Variants in PFDN6 observed in about 807,000 individuals in gnomAD.
PFDN6 encodes the protein prefoldin subunit 6.
A neutral mutation model predicts 19.3 loss-of-function variants in PFDN6; 5 were observed. The ratio of observed to expected loss-of-function variants is 0.26; its 90% CI spans 0.14 to 0.55. The LOEUF is 0.55. PFDN6 is among the 20% of genes least tolerant of loss of function. PFDN6 has a pLI of 0.94. For synonymous variants in PFDN6, 51 were observed against 63.4 expected (o/e 0.80, Z 0.93); for missense variants, 101 against 149.4 (o/e 0.68, Z 1.69).
chr6:33,289,514 C>T, upstream of PFDN6: 1 of 1,111,774 alleles, frequency 9.0e-7, no homozygotes. Context: ...ACTCCCTAAA[C>T]ATGTCAGAAC....
chr6:33,290,372 G>A lies in PFDN6; in HGVS notation c.182G>A (p.Gly61Asp). Reference protein sequence around the residue: ...DGSNVVFKLLGPVLVKQELGE... With the variant: ...DGSNVVFKLLDPVLVKQELGE... ...TCCAACGTGGTCTTTAAACTTCTGG[G>A]TCCGGTGCTAGTCAAACAGGAGCTG... The change falls in exon 3 of 4, where the codon GGT becomes GAT. Residue 61 changes from glycine to aspartate, a missense_variant. Physicochemically the swap from Gly to Asp is moderately conservative, Grantham distance 94 (BLOSUM62 -1). Transcript: ENST00000374606. 6.2e-7 allele frequency: 1 copy of A among 1,609,042 alleles called. No homozygotes were observed. Among genetic ancestry groups the A allele is most frequent in the Non-Finnish European group, 8.5e-7 (1 of 1,177,004 alleles).
Position 33,290,808 on chromosome 6 carries a change from C to T in PFDN6, c.353C>T (p.Ala118Val). ...LAQLQQEFQR[A>V]QAAKAGAPGK... ...CAGCTGCAGCAGGAGTTCCAGCGGGCCCAGGCAGCAAAGGCAGGGGCTCCT... is the reference window on the plus strand; with the variant it reads ...CAGCTGCAGCAGGAGTTCCAGCGGGTCCAGGCAGCAAAGGCAGGGGCTCCT... Residue 118 changes from alanine to valine, a missense_variant, in exon 4 of 4, where the codon GCC (alanine) becomes GTC (valine). Ala to Val is a moderately conservative substitution (Grantham distance 64). Transcript: ENST00000374606. 6.2e-7 allele frequency: 1 copy of T among 1,604,492 alleles called. No homozygotes were observed.
Position 33,289,918 on chromosome 6 carries a change from A to G in PFDN6, c.62A>G (p.Lys21Arg), listed in dbSNP as rs762096321. Residue 21 changes from lysine to arginine, a missense_variant and splice_region_variant, in exon 1 of 4, where the codon AAG (lysine) becomes AGG (arginine). Coordinates refer to ENST00000374606, the MANE Select transcript of PFDN6 (RefSeq NM_001185181.3). ...GEVEKYQQLQKDLSKSMSGRQ... is the reference protein window; with the variant it reads ...GEVEKYQQLQRDLSKSMSGRQ... Reference sequence around the variant, plus strand: ...GTGGAGAAATATCAACAGCTACAGAAGGGTAAGGGAACAGGGTCGGTATGG... The same window carrying G: ...GTGGAGAAATATCAACAGCTACAGAGGGGTAAGGGAACAGGGTCGGTATGG... 2 of 1,607,282 alleles carry G rather than the reference A, an allele frequency of 1.2e-6. No homozygotes were observed. The highest frequency in any genetic ancestry group is 2.2e-5 in the South Asian group (2 of 90,162).
In PFDN6 at chr6:33,290,148, T is replaced by C. The variant is rs371606332; in HGVS notation, c.65-26T>C. On this transcript the variant is annotated intron_variant, in intron 1 of 3. Coordinates refer to ENST00000374606, the MANE Select transcript of PFDN6 (RefSeq NM_001185181.3). ...GGATAGGTGGCACATTTGATGTTTCTAAATTGCCTTTCCTCTCATCCCCAG... is the reference window on the plus strand; with the variant it reads ...GGATAGGTGGCACATTTGATGTTTCCAAATTGCCTTTCCTCTCATCCCCAG... 5.8e-5 allele frequency: 94 copies of C among 1,612,786 alleles called. 1 individual carries two copies. In the South Asian group the frequency reaches 9.6e-4, roughly 16 times the overall value.
At chr6:33,290,655 CT>C in intron 3 of PFDN6, 60 bp from the exon 4 acceptor site, 7 of 1,583,438 alleles carry the variant, frequency 4.4e-6, no homozygotes, top group Non-Finnish European at 6.0e-6. Flanking sequence ...GCGTTTAGCA[CT>C]CTCCATAGTG....
In PFDN6 at chr6:33,290,868, G is replaced by A. The variant is rs751620474; in HGVS notation, c.*23G>A. Reference sequence around the variant, plus strand: ...TGACCCCATGGTGGGGGGAGGGGAGGGGAGGGGAGGGAATGAGGCAGCTCT... The same window carrying A: ...TGACCCCATGGTGGGGGGAGGGGAGAGGAGGGGAGGGAATGAGGCAGCTCT... On this transcript the variant is annotated 3_prime_UTR_variant, in exon 4 of 4. Coordinates refer to ENST00000374606, the MANE Select transcript of PFDN6 (RefSeq NM_001185181.3). The A allele has an allele frequency of 1.5e-5, 24 of 1,577,480 alleles. No individual in the cohort carries two copies. Among genetic ancestry groups the A allele is most frequent in the Non-Finnish European group, 2.1e-5 (24 of 1,166,902 alleles).
Position 33,289,774 on chromosome 6 carries a change from G to T in PFDN6, c.-83G>T, listed in dbSNP as rs1373145437. ...AGAGTGCTATCATTTCCGCAGGCCAGATCAGAAAAGGGAGCTCAGGTACCT... is the reference window on the plus strand; with the variant it reads ...AGAGTGCTATCATTTCCGCAGGCCATATCAGAAAAGGGAGCTCAGGTACCT... On this transcript the variant is annotated 5_prime_UTR_variant, in exon 1 of 4. Coordinates refer to ENST00000374606, the MANE Select transcript of PFDN6 (RefSeq NM_001185181.3). 1 of 1,162,656 alleles carries T rather than the reference G, an allele frequency of 8.6e-7. No individual in the cohort carries two copies. Among genetic ancestry groups the T allele is most frequent in the Non-Finnish European group, 1.2e-6 (1 of 819,162 alleles). The allele number at this position is 1,162,656 out of a possible 1,614,324, so 72.0% of individuals were successfully genotyped here.
At chr6:33,289,327 TAGAG>T, upstream of PFDN6, 7 of 1,402,420 alleles carry the variant, frequency 5.0e-6, no homozygotes, top group Non-Finnish European at 6.5e-6. Flanking sequence ...ACGCTCTCCT[TAGAG>T]GGGCGGAACA....
Position 33,289,799 on chromosome 6 carries a change from T to C in PFDN6, c.-58T>C, listed in dbSNP as rs749486904. On this transcript the variant is annotated 5_prime_UTR_variant, in exon 1 of 4. Coordinates refer to ENST00000374606, the MANE Select transcript of PFDN6 (RefSeq NM_001185181.3). ...GATCAGAAAAGGGAGCTCAGGTACC[T>C]TCCAGAGAGTGAGACCCAGCGCCCT... 2.0e-4 allele frequency: 282 copies of C among 1,398,302 alleles called. 1 individual carries two copies. Among genetic ancestry groups the C allele is most frequent in the Non-Finnish European group, 2.7e-4 (277 of 1,019,928 alleles). 86.6% of individuals were successfully genotyped at this position (1,398,302 alleles called of 1,614,324 possible).
At chr6:33,290,096 T>C in intron 1 of PFDN6, 78 bp from the exon 2 acceptor site, 1 of 1,485,728 alleles carries the variant, frequency 6.7e-7, no homozygotes, top group South Asian at 1.1e-5. Flanking sequence ...CTTCCTCAGA[T>C]CCATATCCAC....
chr6:33,290,549 C>T lies in PFDN6; in HGVS notation c.260+99C>T, dbSNP rs1373234359. ...ATTGCAGAACAGCTCTCCATAGTGGCCCCTAGTCCTCCAGTTCCTCCAACC... is the reference window on the plus strand; with the variant it reads ...ATTGCAGAACAGCTCTCCATAGTGGTCCCTAGTCCTCCAGTTCCTCCAACC... On this transcript the variant is annotated intron_variant, in intron 3 of 3. Transcript: ENST00000374606. The T allele has an allele frequency of 3.4e-6, 5 of 1,482,584 alleles. No individual in the cohort carries two copies. In the East Asian group the frequency reaches 6.9e-5, roughly 20 times the overall value. The allele number at this position is 1,482,584 out of a possible 1,614,324, so 91.8% of individuals were successfully genotyped here. A position where few individuals can be genotyped will look rare whatever the true frequency, so the allele number is the denominator to read the frequency against.
chr6:33,289,976 T>G, intron 1 of PFDN6, 56 bp downstream of exon 1: 1 of 1,502,416 alleles, frequency 6.7e-7, no homozygotes, highest in Non-Finnish European at 9.1e-7. Context: ...CCAAAGCCAT[T>G]ACCGAGATAA....
upstream of PFDN6, chr6:33,289,341 A>C: frequency 7.4e-7 from 1 of 1,359,930 alleles, no homozygotes; most frequent in African/African-American, 1.5e-5. Flanking sequence ...GGGGCGGAAC[A>C]GTTTTTGGCA....
chr6:33,289,467 T>A (rs1332223822), upstream of PFDN6: 2 of 1,286,686 alleles, frequency 1.6e-6, no homozygotes, highest in African/African-American at 3.1e-5. Flanking sequence ...CCATCTTGCC[T>A]AAAAATGTCC....
upstream of PFDN6, chr6:33,289,387 TAAAA>T: frequency 1.5e-6 from 2 of 1,307,046 alleles, no homozygotes; most frequent in South Asian, 5.0e-5. Flanking sequence ...AAGAGTGATT[TAAAA>T]AAGAAAGGCA....
chr6:33,290,494 A>C, intron 3 of PFDN6, 44 bp downstream of exon 3: 1 of 1,526,790 alleles, frequency 6.5e-7, no homozygotes, highest in Non-Finnish European at 8.8e-7. Context: ...CTGTGATGCA[A>C]GTGAACCATT....
At chr6:33,289,517 G>A (rs938209871), upstream of PFDN6, 2 of 1,099,040 alleles carry the variant, frequency 1.8e-6, no homozygotes, top group African/African-American at 3.3e-5. Context: ...CCCTAAACAT[G>A]TCAGAACTAC....
In PFDN6 at chr6:33,290,801, C is replaced by G. The variant is rs773760389; in HGVS notation, c.346C>G (p.Gln116Glu). The G allele has an allele frequency of 6.2e-7, 1 of 1,605,454 alleles. No individual in the cohort carries two copies. The highest frequency in any genetic ancestry group is 8.5e-7 in the Non-Finnish European group (1 of 1,179,882). Residue 116 changes from glutamine to glutamate, a missense_variant, in exon 4 of 4, where the codon CAG becomes GAG. Transcript: ENST00000374606. ...CCTTGCTCAGCTGCAGCAGGAGTTC[C>G]AGCGGGCCCAGGCAGCAAAGGCAGG... ...ETLAQLQQEF[Q>E]RAQAAKAGAP...
At chr6:33,289,215 T>C (rs529585564), upstream of PFDN6, 5 of 1,584,638 alleles carry the variant, frequency 3.2e-6, no homozygotes, top group Non-Finnish European at 3.4e-6. Flanking sequence ...TCCTCTCAGC[T>C]GCCACACAGT....
Sources: gnomAD v4.1 joint callset for allele counts on GRCh38, gnomAD v4.1.1 for gene constraint, MANE v1.5 for transcripts, NCBI Gene and HGNC (gene_info 2026-07-23, HGNC 2026-07-21) for gene names.